MAP3K2: variants seen among roughly 807,000 people sequenced by gnomAD.
The protein encoded by MAP3K2 is MAP/ERK kinase kinase 2.
A neutral mutation model predicts 80.3 loss-of-function variants in MAP3K2; 24 were observed. The observed-to-expected ratio is 0.30, with a 90% CI of 0.22 to 0.42. The LOEUF is 0.42. Among genes scored for constraint, MAP3K2 ranks in the 10% least tolerant of loss-of-function variants. The pLI is 1.00. For synonymous variants in MAP3K2, 244 were observed against 253.7 expected, an observed-to-expected ratio of 0.96 and a Z score of 0.36; for missense variants, 608 against 750.1, an observed-to-expected ratio of 0.81 and a Z score of 2.21.
At chr2:127,367,649 C>T (rs1202549771) in intron 1 of MAP3K2, among the ~76,000 whole-genome samples, 2 of 151,988 alleles carry the variant, frequency 1.3e-5, no homozygotes. Flanking sequence ...AAAAATTAGC[C>T]AGGCGTGGTG....
intron 1 of MAP3K2, among the ~76,000 whole-genome samples, chr2:127,372,533 C>T (rs892153435): frequency 2.6e-5 from 4 of 152,144 alleles, no homozygotes; most frequent in Admixed American, 2.6e-4. Flanking sequence ...TGGGGAAGCG[C>T]ACACAGCCAA....
intron 14 of MAP3K2, among the ~76,000 whole-genome samples, chr2:127,315,802 C>T (rs934979473): frequency 2.0e-5 from 3 of 151,570 alleles, no homozygotes; most frequent in East Asian, 2.0e-4. Flanking sequence ...AGCCAGGCAT[C>T]GGCTGGGCGT....
chr2:127,332,969 A>G (rs1382963840), intron 5 of MAP3K2, among the ~76,000 whole-genome samples: 1 of 151,950 alleles, frequency 6.6e-6, no homozygotes, highest in African/African-American at 2.4e-5. Flanking sequence ...ATCTCTAGAA[A>G]AAATACAAAA....
At chr2:127,369,159 C>T (rs1035571641) in intron 1 of MAP3K2, among the ~76,000 whole-genome samples, 43 of 150,930 alleles carry the variant, frequency 2.8e-4, no homozygotes, top group Admixed American at 8.6e-4. Flanking sequence ...ACCATATTGG[C>T]CAGGCTGGTC....
rs1311825550 is a variant in MAP3K2 at position 127,304,224 on chromosome 2, A to G, written c.*3355T>C. ...TTTAAGTTAGAAAGATGTTTTGTAAACAAGGAAAAGTGCTGAAAATTTTCA... is the reference window on the plus strand; with the variant it reads ...TTTAAGTTAGAAAGATGTTTTGTAAGCAAGGAAAAGTGCTGAAAATTTTCA... On this transcript the variant is annotated 3_prime_UTR_variant, in exon 17 of 17. Coordinates refer to ENST00000682094, the MANE Select transcript of MAP3K2 (RefSeq NM_001371910.2). 2 of 152,178 alleles carry G rather than the reference A, an allele frequency of 1.3e-5. No homozygotes were observed. The highest frequency in any genetic ancestry group is 4.8e-5 in the African/African-American group (2 of 41,454). 9.4% of individuals were successfully genotyped at this position (152,178 alleles called of 1,614,324 possible).
chr2:127,368,410 C>T (rs1417899219), intron 1 of MAP3K2, among the ~76,000 whole-genome samples: 1 of 152,114 alleles, frequency 6.6e-6, no homozygotes, highest in African/African-American at 2.4e-5. Context: ...ATCACGAGGT[C>T]TGGAGTTCGA....
chr2:127,322,329 T>A lies in MAP3K2; in HGVS notation c.839-77A>T. 1.1e-6 allele frequency: 1 copy of A among 950,554 alleles called. No homozygotes were observed. Among genetic ancestry groups the A allele is most frequent in the Non-Finnish European group, 1.6e-6 (1 of 643,884 alleles). The allele number at this position is 950,554 out of a possible 1,614,324, so 58.9% of individuals were successfully genotyped here. A position where few individuals can be genotyped will look rare whatever the true frequency, so the allele number is the denominator to read the frequency against. On this transcript the variant is annotated intron_variant, in intron 11 of 16. Coordinates refer to ENST00000682094, the MANE Select transcript of MAP3K2 (RefSeq NM_001371910.2). The surrounding 1 kb of genome is among the most constrained non-coding windows in gnomAD (Gnocchi z 4.2). ...TTTAAAGTATTTAAAATTTGTAATG[T>A]AGAGAATAGAAATTTGTCCTGTGAC...
At chr2:127,329,277 A>AG (rs1225377252) in intron 7 of MAP3K2, among the ~76,000 whole-genome samples, 1 of 152,102 alleles carries the variant, frequency 6.6e-6, no homozygotes, top group African/African-American at 2.4e-5. Flanking sequence ...CCCTAGAGAA[A>AG]GGCTTGTGAA....
At chr2:127,337,922 T>C (rs2104842308) in intron 3 of MAP3K2, 144 bp from the exon 4 acceptor site, 1 of 534,096 alleles carries the variant, frequency 1.9e-6, no homozygotes. Flanking sequence ...TGAAGTTCTG[T>C]ACCAGCTCCA....
chr2:127,369,460 G>A (rs1234176297), intron 1 of MAP3K2, among the ~76,000 whole-genome samples: 3 of 94,760 alleles, frequency 3.2e-5, no homozygotes, highest in Non-Finnish European at 5.7e-5. Flanking sequence ...GTGAAACCCC[G>A]TCTCTACTAA....
At position 127,364,354 on chromosome 2, in the gene MAP3K2, A is replaced by G. The variant is rs6730551; in HGVS notation, c.-65-21160T>C. Reference sequence around the variant, plus strand: ...TACTACGAAGTGTTCCATATGCCTTATTGATAGCTACTTTTTGTCTCTGTG... The same window carrying G: ...TACTACGAAGTGTTCCATATGCCTTGTTGATAGCTACTTTTTGTCTCTGTG... On this transcript the variant is annotated intron_variant, in intron 1 of 16. Coordinates refer to ENST00000682094, the MANE Select transcript of MAP3K2 (RefSeq NM_001371910.2). The surrounding 1 kb of genome is among the most constrained non-coding windows in gnomAD (Gnocchi z 4.1). Among the ~76,000 whole-genome samples, 185 of 152,336 alleles carry G rather than the reference A, an allele frequency of 1.2e-3. No individual in the cohort carries two copies. The highest frequency in any genetic ancestry group is 4.4e-3 in the African/African-American group (181 of 41,582).
rs897068705 is a variant in MAP3K2 at position 127,300,387 on chromosome 2, C to T, written c.*7192G>A. The T allele has an allele frequency of 9.9e-5, 15 of 152,052 alleles. No individual in the cohort carries two copies. The East Asian group carries it at 2.9e-3, about 29-fold the overall frequency. 9.4% of individuals were successfully genotyped at this position (152,052 alleles called of 1,614,324 possible). A position where few individuals can be genotyped will look rare whatever the true frequency, so the allele number is the denominator to read the frequency against. On this transcript the variant is annotated 3_prime_UTR_variant, in exon 17 of 17. Transcript: ENST00000682094. ...AGATTAAAAACATTTAGAGAGAAAC[C>T]AATAGGTTAAATATAGAGAATTTAA...
At chr2:127,351,879 T>G (rs951469142) in intron 1 of MAP3K2, among the ~76,000 whole-genome samples, 3 of 151,320 alleles carry the variant, frequency 2.0e-5, no homozygotes, top group African/African-American at 7.3e-5. Context: ...TTTTTTGTGT[T>G]TTTTTTTTCT....
rs1320339390 is a variant in MAP3K2 at position 127,302,349 on chromosome 2, C to T, written c.*5230G>A. On this transcript the variant is annotated 3_prime_UTR_variant, in exon 17 of 17. Coordinates refer to ENST00000682094, the MANE Select transcript of MAP3K2 (RefSeq NM_001371910.2). The stretch of plus-strand genomic sequence containing the variant: ...CACTGTATGTCATCAGTAGGTCATA[C>T]ATTTGAGTTGTTCTTCCAAAACCAG... 2 of 152,024 alleles carry T rather than the reference C, an allele frequency of 1.3e-5. No homozygotes were observed. Among genetic ancestry groups the T allele is most frequent in the African/African-American group, 2.4e-5 (1 of 41,392 alleles). 9.4% of individuals were successfully genotyped at this position (152,024 alleles called of 1,614,324 possible). A position where few individuals can be genotyped will look rare whatever the true frequency, so the allele number is the denominator to read the frequency against.
intron 14 of MAP3K2, among the ~76,000 whole-genome samples, chr2:127,315,102 C>T (rs1277946553): frequency 6.6e-6 from 1 of 152,162 alleles, no homozygotes; most frequent in Non-Finnish European, 1.5e-5. Context: ...CTAGAAAGAA[C>T]ACAGAGATTT....
intron 5 of MAP3K2, among the ~76,000 whole-genome samples, chr2:127,333,339 AAAC>A (rs1435520866): frequency 6.6e-5 from 10 of 151,776 alleles, no homozygotes; most frequent in African/African-American, 2.2e-4. Context: ...TAACAAATCC[AAAC>A]AACCTCAGCT....
At chr2:127,353,585 C>G (rs534308892) in intron 1 of MAP3K2, among the ~76,000 whole-genome samples, 2,858 of 150,336 alleles carry the variant, frequency 0.019, 99 homozygotes, top group African/African-American at 0.059. Flanking sequence ...GTCAGCCCCC[C>G]GCCTGGCCAG....
intron 12 of MAP3K2, among the ~76,000 whole-genome samples, chr2:127,319,398 C>A (rs146716949): frequency 5.7e-4 from 86 of 152,100 alleles, no homozygotes; most frequent in Middle Eastern, 3.4e-3. Flanking sequence ...GATAGGACAA[C>A]ACAGAACCCT....
intron 15 of MAP3K2, among the ~76,000 whole-genome samples, chr2:127,312,886 CA>C (rs1685834350): frequency 6.6e-6 from 1 of 151,572 alleles, no homozygotes; most frequent in African/African-American, 2.4e-5. Flanking sequence ...CACTTGAACC[CA>C]GGGTGGGGGC....
Sources: gnomAD v4.1 joint callset for allele counts (sites outside exome capture counted in the v4.1 genomes callset) on GRCh38, gnomAD v4.1.1 for gene constraint, Gnocchi (gnomAD v3.1) non-coding constraint, MANE v1.5 for transcripts, NCBI Gene and HGNC (gene_info 2026-07-23, HGNC 2026-07-21) for gene names.